The following AQR variants were observed in gnomAD, a reference collection of about 807,000 sequenced individuals.
AQR encodes the protein aquarius intron-binding spliceosomal factor.
Under a neutral mutation model 180.5 loss-of-function variants are expected in AQR, and 61 were observed. The ratio of observed to expected loss-of-function variants is 0.34; its 90% CI spans 0.28 to 0.42. The LOEUF (loss-of-function observed/expected upper bound fraction) is 0.42, where lower values mean the gene tolerates loss of function less well. AQR is among the 10% of genes least tolerant of loss of function. The pLI, the probability that AQR is intolerant of heterozygous loss-of-function variation, is 1.00. For synonymous variants in AQR, 551 were observed against 588.8 expected (o/e 0.94, Z 0.93); for missense variants, 1,281 against 1,798.3 (o/e 0.71, Z 5.20).
Position 34,904,511 on chromosome 15 carries a change from C to T in AQR, c.1832-6G>A, listed in dbSNP as rs552906611. On this transcript the variant is annotated splice_region_variant and splice_polypyrimidine_tract_variant and intron_variant, in intron 18 of 34. Coordinates refer to ENST00000156471, the MANE Select transcript of AQR (RefSeq NM_014691.3). ...ATTGGGTCTGGGTTCAGGTCCTGGA[C>T]AATTTGAAAAAGTTTGTTAAATAAA... 1.3e-6 allele frequency: 2 copies of T among 1,590,224 alleles called. No individual in the cohort carries two copies. Among genetic ancestry groups the T allele is most frequent in the Non-Finnish European group, 1.7e-6 (2 of 1,173,342 alleles).
rs761324128 is a variant in AQR at position 34,870,795 on chromosome 15, T to C, written c.3725A>G (p.Asn1242Ser). The change falls in exon 31 of 35, where the codon AAT (asparagine) becomes AGT (serine). Residue 1242 changes from asparagine to serine, a missense_variant. Asn to Ser is a conservative substitution (Grantham distance 46). Around this residue, in one of 9 missense-constraint regions of AQR, gnomAD observed 197 missense variants for 320.7 expected, o/e 0.61. Transcript: ENST00000156471. ...CAATGGATTGTTTCCACATCGTCTATTGATGATGTCGCGAATAAGATGCTT... is the reference window on the plus strand; with the variant it reads ...CAATGGATTGTTTCCACATCGTCTACTGATGATGTCGCGAATAAGATGCTT... Reference protein sequence around the residue: ...GQKHLIRDIINRRCGNNPLIG... With the variant: ...GQKHLIRDIISRRCGNNPLIG... 1 of 1,613,364 alleles carries C rather than the reference T, an allele frequency of 6.2e-7. No individual in the cohort carries two copies. The highest frequency in any genetic ancestry group is 8.5e-7 in the Non-Finnish European group (1 of 1,179,674).
At chr15:34,926,112 A>AG (rs1893760143) in intron 13 of AQR, among the ~76,000 whole-genome samples, 1 of 152,136 alleles carries the variant, frequency 6.6e-6, no homozygotes, top group Admixed American at 6.5e-5. Context: ...ACTTGCAGTG[A>AG]GCCACTGCAG....
intron 2 of AQR, among the ~76,000 whole-genome samples, chr15:34,962,286 T>G (rs981060811): frequency 1.3e-5 from 2 of 152,114 alleles, no homozygotes; most frequent in African/African-American, 4.8e-5. Context: ...CCTCCCAAAG[T>G]GCTGGGATTA....
At position 34,878,957 on chromosome 15, in the gene AQR, G is replaced by A. The variant is rs182775924; in HGVS notation, c.3166-2951C>T. ...GCAGGAGAATCACTTGAACCCAGGA[G>A]GTGGAGGTTGAAGTGAGCTGAGATT... On this transcript the variant is annotated intron_variant, in intron 27 of 34. Transcript: ENST00000156471. Among the ~76,000 whole-genome samples, 197 of 152,158 alleles carry A rather than the reference G, an allele frequency of 1.3e-3. 1 individual carries two copies. The highest frequency in any genetic ancestry group is 2.9e-3 in the South Asian group (14 of 4,810).
chr15:34,887,786 A>C (rs1412773260), intron 24 of AQR, among the ~76,000 whole-genome samples: 1 of 152,228 alleles, frequency 6.6e-6, no homozygotes, highest in Admixed American at 6.5e-5. Flanking sequence ...TGAGGTAGCA[A>C]GGGATGATTA....
At chr15:34,896,206 T>C (rs1893241099) in intron 22 of AQR, among the ~76,000 whole-genome samples, 1 of 152,216 alleles carries the variant, frequency 6.6e-6, no homozygotes, top group African/African-American at 2.4e-5. Flanking sequence ...TCTCTGCCAT[T>C]GCAGCACAAA....
Position 34,873,918 on chromosome 15 carries a change from T to G in AQR, c.3507A>C (p.Ala1169=). 6.2e-7 allele frequency: 1 copy of G among 1,612,520 alleles called. No homozygotes were observed. Among genetic ancestry groups the G allele is most frequent in the Non-Finnish European group, 8.5e-7 (1 of 1,179,082 alleles). ...GGAAGTCATACAGTAAGCCAGCATT[T>G]GCTGTACTAAACTCTGGCAAGAGCT... ...HVQLLPEFST[A]NAGLLYDFQL... is the part of the protein sequence containing the mutation. Residue 1169 remains alanine, a synonymous_variant, in exon 30 of 35, where the codon GCA becomes GCC. Transcript: ENST00000156471.
intron 18 of AQR, among the ~76,000 whole-genome samples, chr15:34,905,834 C>A (rs774102504): frequency 3.9e-5 from 6 of 152,054 alleles, no homozygotes; most frequent in Non-Finnish European, 8.8e-5. Context: ...TCCCAGAGTT[C>A]GAGACCAGCC....
chr15:34,861,932 A>G (rs930743882), intron 33 of AQR, among the ~76,000 whole-genome samples: 5 of 151,504 alleles, frequency 3.3e-5, no homozygotes, highest in Non-Finnish European at 7.4e-5. Context: ...TTAAAATCCA[A>G]TGGACCCCCC....
chr15:34,938,328 G>C (rs1595803794), intron 9 of AQR, among the ~76,000 whole-genome samples: 1 of 152,150 alleles, frequency 6.6e-6, no homozygotes, highest in Non-Finnish European at 1.5e-5. Context: ...GAGGTCAGGA[G>C]TTTGAGACCA....
At chr15:34,888,676 A>G (rs995453069) in intron 24 of AQR, among the ~76,000 whole-genome samples, 4 of 152,196 alleles carry the variant, frequency 2.6e-5, no homozygotes, top group African/African-American at 9.6e-5. Context: ...CAGCCTGGGC[A>G]ACAAAGTGAA....
intron 13 of AQR, among the ~76,000 whole-genome samples, chr15:34,920,914 C>T (rs1467975971): frequency 6.6e-6 from 1 of 151,928 alleles, no homozygotes; most frequent in African/African-American, 2.4e-5. Context: ...GCCGAGATCG[C>T]GCCACTGTAC....
intron 10 of AQR, among the ~76,000 whole-genome samples, chr15:34,934,257 T>A (rs888227372): frequency 1.3e-5 from 2 of 149,418 alleles, no homozygotes; most frequent in African/African-American, 4.9e-5. Context: ...GTATAATCTA[T>A]ATTAATAAAT....
At position 34,882,487 on chromosome 15, in the gene AQR, AC is replaced by A; in HGVS notation, c.3165+14del. ...TCTTAAAAAAAAAAAAAAAAAAACT[AC>A]CATAAGTCTTTACCTTGAAACCTAG... On this transcript the variant is annotated intron_variant, in intron 27 of 34. Coordinates refer to ENST00000156471, the MANE Select transcript of AQR (RefSeq NM_014691.3). 3.4e-6 allele frequency: 5 copies of A among 1,464,756 alleles called. No individual in the cohort carries two copies. Among genetic ancestry groups the A allele is most frequent in the East Asian group, 2.4e-5 (1 of 41,082 alleles). The allele number at this position is 1,464,756 out of a possible 1,614,324, so 90.7% of individuals were successfully genotyped here. A position where few individuals can be genotyped will look rare whatever the true frequency, so the allele number is the denominator to read the frequency against.
chr15:34,879,295 T>G (rs1019628796), intron 27 of AQR, among the ~76,000 whole-genome samples: 12 of 152,178 alleles, frequency 7.9e-5, no homozygotes, highest in African/African-American at 2.9e-4. Context: ...ATAATAAAAC[T>G]GGCTGAAACT....
At chr15:34,957,380 T>C (rs1326471974) in intron 3 of AQR, among the ~76,000 whole-genome samples, 1 of 152,012 alleles carries the variant, frequency 6.6e-6, no homozygotes, top group Non-Finnish European at 1.5e-5. Context: ...AAATACATAC[T>C]ATAGTTTATG....
chr15:34,938,688 G>GGCA (rs1328536668), intron 9 of AQR, 49 bp downstream of exon 9: 4 of 1,170,192 alleles, frequency 3.4e-6, no homozygotes, highest in Non-Finnish European at 5.1e-6. Flanking sequence ...ATACCATAGG[G>GGCA]GCAGCTATAT....
In AQR at chr15:34,893,607, GCACACACACACA is replaced by G. The variant is rs386382691; in HGVS notation, c.2571+44_2571+55del. On this transcript the variant is annotated intron_variant, in intron 23 of 34. Transcript: ENST00000156471. ...CATACCCATGTGCATGCGCATGCGT[GCACACACACACA>G]CACACACACACACACACACACACAC... The G allele has an allele frequency of 1.5e-3, 1,499 of 999,522 alleles. 2 individuals are homozygous for G. The highest frequency in any genetic ancestry group is 6.9e-3 in the Middle Eastern group (29 of 4,228). 61.9% of individuals were successfully genotyped at this position (999,522 alleles called of 1,614,324 possible).
chr15:34,923,819 TATA>T (rs1893716434), intron 13 of AQR, among the ~76,000 whole-genome samples: 1 of 152,248 alleles, frequency 6.6e-6, no homozygotes, highest in Admixed American at 6.5e-5. Context: ...TCTTGATTAC[TATA>T]GCTTTACTGC....
Sources: allele counts gnomAD v4.1 joint callset (sites outside exome capture counted in the v4.1 genomes callset), GRCh38; gene constraint gnomAD v4.1.1; regional missense constraint gnomAD v4.1.1; transcripts MANE v1.5; gene names NCBI Gene and HGNC (gene_info 2026-07-23, HGNC 2026-07-21).